The following CNTN6 variants were observed in gnomAD, a reference collection of about 807,000 sequenced individuals.
The protein encoded by CNTN6 is contactin-6.
In CNTN6, 137 loss-of-function variants were observed where a neutral mutation model predicts 122.8. The observed-to-expected ratio is 1.12, with a 90% confidence interval of 0.97 to 1.29. The LOEUF is 1.29. CNTN6 is among the 50% of genes most tolerant of loss of function. The pLI is 0.00. For synonymous variants in CNTN6, 570 were observed against 426.0 expected (o/e 1.34, Z -4.16); for missense variants, 1,634 against 1,223.4 (o/e 1.34, Z -5.01).
intron 2 of CNTN6, among the ~76,000 whole-genome samples, chr3:1,151,451 A>G (rs964158164): frequency 7.2e-6 from 1 of 138,216 alleles, no homozygotes. Context: ...ATAACGTTTT[A>G]AAAGTTTTAA....
chr3:1,354,126 G>A (rs2126081415), intron 12 of CNTN6, among the ~76,000 whole-genome samples: 1 of 151,524 alleles, frequency 6.6e-6, no homozygotes, highest in South Asian at 2.1e-4. Flanking sequence ...AAAAATAAAA[G>A]GTGACGGCTA....
chr3:1,384,861 T>A lies in CNTN6; in HGVS notation c.2518-750T>A, dbSNP rs567513567. On this transcript the variant is annotated intron_variant, in intron 19 of 22. Coordinates refer to ENST00000446702, the MANE Select transcript of CNTN6 (RefSeq NM_001289080.2). ...TAATCCTCTGATTCCAACAGAAAGT[T>A]CTACTCTCAGGACAGGTGTCTTTTC... Among the ~76,000 whole-genome samples, 189 of 149,716 alleles carry A rather than the reference T, an allele frequency of 1.3e-3. 1 individual carries two copies. The highest frequency in any genetic ancestry group is 4.5e-3 in the African/African-American group (183 of 40,850).
chr3:1,108,571 A>G (rs527574990), intron 1 of CNTN6, among the ~76,000 whole-genome samples: 20 of 152,126 alleles, frequency 1.3e-4, no homozygotes, highest in African/African-American at 4.3e-4. Flanking sequence ...CTCAAACTGT[A>G]ATATCATTGA....
chr3:1,180,689 G>A (rs2093538269), intron 2 of CNTN6, among the ~76,000 whole-genome samples: 1 of 152,166 alleles, frequency 6.6e-6, no homozygotes, highest in East Asian at 1.9e-4. Context: ...AATATTTATG[G>A]AGATCTTACA....
chr3:1,203,564 G>C (rs141789647), intron 2 of CNTN6, among the ~76,000 whole-genome samples: 1 of 152,172 alleles, frequency 6.6e-6, no homozygotes, highest in African/African-American at 2.4e-5. Context: ...TTAGCTTTCC[G>C]AAGAAGAGCA....
At chr3:1,151,791 GT>G (rs777214483) in intron 2 of CNTN6, among the ~76,000 whole-genome samples, 20 of 152,060 alleles carry the variant, frequency 1.3e-4, no homozygotes, top group Non-Finnish European at 2.8e-4. Flanking sequence ...TAAAAATTTG[GT>G]TTTGAGGTTG....
chr3:1,109,928 A>G (rs900023701), intron 1 of CNTN6, among the ~76,000 whole-genome samples: 5 of 152,066 alleles, frequency 3.3e-5, no homozygotes, highest in Non-Finnish European at 7.4e-5. Context: ...TCTCTTCTAT[A>G]TACAGGTCTT....
intron 7 of CNTN6, among the ~76,000 whole-genome samples, chr3:1,319,995 C>G (rs1390096202): frequency 6.6e-6 from 1 of 151,496 alleles, no homozygotes; most frequent in Non-Finnish European, 1.5e-5. Flanking sequence ...TTGTGAATAT[C>G]TATGTGAATA....
At chr3:1,373,498 C>A in intron 14 of CNTN6, 106 bp from the exon 15 acceptor site, 1 of 1,008,672 alleles carries the variant, frequency 9.9e-7, no homozygotes, top group East Asian at 2.5e-5. Flanking sequence ...ACATTATGGT[C>A]AATATTTTAC....
At chr3:1,315,550 A>G (rs963595946) in intron 7 of CNTN6, among the ~76,000 whole-genome samples, 2 of 152,062 alleles carry the variant, frequency 1.3e-5, no homozygotes, top group African/African-American at 4.8e-5. Flanking sequence ...CTCAGATGGC[A>G]TATGGAAGCC....
rs536628538 is a variant in CNTN6, at chr3:1,158,953, TAC to T, written c.55+10906_55+10907del. Among the ~76,000 whole-genome samples the T allele has an allele frequency of 1.2e-4, 13 of 104,188 alleles. 1 individual carries two copies. The highest frequency in any genetic ancestry group is 3.3e-4 in the Admixed American group (3 of 9,098). The allele number at this position is 104,188 out of a possible 152,430, so 68.4% of individuals were successfully genotyped here. A position where few individuals can be genotyped will look rare whatever the true frequency, so the allele number is the denominator to read the frequency against. ...ATATACACACACACATATATATATA[TAC>T]ACACACACACACACATATATATATA... On this transcript the variant is annotated intron_variant, in intron 2 of 22. Coordinates refer to ENST00000446702, the MANE Select transcript of CNTN6 (RefSeq NM_001289080.2).
At chr3:1,243,754 G>T (rs974168809) in intron 4 of CNTN6, among the ~76,000 whole-genome samples, 6 of 152,182 alleles carry the variant, frequency 3.9e-5, no homozygotes, top group Admixed American at 6.5e-5. Flanking sequence ...GTCACAGAAC[G>T]AAACTGTAAG....
intron 2 of CNTN6, among the ~76,000 whole-genome samples, chr3:1,218,779 T>C (rs369720271): frequency 1.4e-3 from 213 of 151,658 alleles, no homozygotes; most frequent in African/African-American, 4.9e-3. Flanking sequence ...CAAGAGCACC[T>C]CAAAAAAAAA....
chr3:1,278,583 C>G (rs145311986), intron 5 of CNTN6, 75 bp downstream of exon 5: 3 of 969,478 alleles, frequency 3.1e-6, no homozygotes, highest in Non-Finnish European at 4.7e-6. Flanking sequence ...AGGTCTTAGG[C>G]TCAGTGATCA....
At chr3:1,390,837 T>C (rs1694031998) in intron 20 of CNTN6, among the ~76,000 whole-genome samples, 1 of 149,318 alleles carries the variant, frequency 6.7e-6, no homozygotes, top group Non-Finnish European at 1.5e-5. Flanking sequence ...ACACATACAC[T>C]CTCCCAAGAC....
intron 7 of CNTN6, among the ~76,000 whole-genome samples, chr3:1,304,026 C>T (rs924389862): frequency 6.6e-6 from 1 of 152,164 alleles, no homozygotes; most frequent in African/African-American, 2.4e-5. Flanking sequence ...ATCTTCAGAG[C>T]ACATTATTTG....
At chr3:1,289,208 C>T (rs1345298904) in intron 5 of CNTN6, among the ~76,000 whole-genome samples, 2 of 151,690 alleles carry the variant, frequency 1.3e-5, no homozygotes, top group East Asian at 3.9e-4. Context: ...TTGAAAGATA[C>T]ACAGATTAAG....
At chr3:1,220,542 C>A in intron 2 of CNTN6, 145 bp from the exon 3 acceptor site, 1 of 743,392 alleles carries the variant, frequency 1.3e-6, no homozygotes, top group Non-Finnish European at 1.9e-6. Context: ...ATTCTTTGTC[C>A]ATTTTTGTAA....
rs746157291 is a variant in CNTN6, at chr3:1,167,847, A to C, written c.55+19784A>C. On this transcript the variant is annotated intron_variant, in intron 2 of 22. Coordinates refer to ENST00000446702, the MANE Select transcript of CNTN6 (RefSeq NM_001289080.2). ...ATATTGAGCACTCATATGTGCTTTCAAATAATTCCATGAGTTAGGATCTCA... is the reference window on the plus strand; with the variant it reads ...ATATTGAGCACTCATATGTGCTTTCCAATAATTCCATGAGTTAGGATCTCA... Among the ~76,000 whole-genome samples the C allele has an allele frequency of 5.9e-4, 90 of 152,208 alleles. 1 individual carries two copies. The highest frequency in any genetic ancestry group is 1.8e-4 in the Non-Finnish European group (12 of 68,034).
Sources: allele counts gnomAD v4.1 joint callset (sites outside exome capture counted in the v4.1 genomes callset), GRCh38; gene constraint gnomAD v4.1.1; transcripts MANE v1.5; gene names NCBI Gene and HGNC (gene_info 2026-07-23, HGNC 2026-07-21).